The following FAM111B variants were observed in gnomAD, a reference collection of about 807,000 sequenced individuals.
FAM111B encodes FAM111 trypsin like peptidase B, also known as serine protease FAM111B.
Under a neutral mutation model 2.8 loss-of-function variants are expected in FAM111B, and 1 was observed. That is an observed-to-expected ratio of 0.36 (90% CI 0.13 to 1.70). The LOEUF is 1.70. Ranked by LOEUF, FAM111B falls within the 40% of genes most tolerant of loss-of-function variation. The pLI, the probability that FAM111B is intolerant of heterozygous loss-of-function variation, is 0.35. For synonymous variants in FAM111B, 297 were observed against 295.6 expected, an observed-to-expected ratio of 1.00 and a Z score of -0.05; for missense variants, 882 against 878.9, an observed-to-expected ratio of 1.00 and a Z score of -0.04.
At chr11:59,114,139 A>C (rs896224685) in intron 3 of FAM111B, among the ~76,000 whole-genome samples, 1 of 152,216 alleles carries the variant, frequency 6.6e-6, no homozygotes, top group Non-Finnish European at 1.5e-5. Context: ...GGCCCTGAAG[A>C]CACCCAAGGG....
intron 3 of FAM111B, among the ~76,000 whole-genome samples, chr11:59,112,359 T>C (rs1224503469): frequency 6.6e-6 from 1 of 152,228 alleles, no homozygotes; most frequent in African/African-American, 2.4e-5. Flanking sequence ...TATTGATGAG[T>C]AGCATTCCAC....
intron 3 of FAM111B, among the ~76,000 whole-genome samples, chr11:59,122,351 A>G (rs1859936497): frequency 6.6e-6 from 1 of 152,218 alleles, no homozygotes; most frequent in South Asian, 2.1e-4. Flanking sequence ...CATGAGAATG[A>G]GAAAGGAAGA....
intron 3 of FAM111B, among the ~76,000 whole-genome samples, chr11:59,119,511 C>G (rs1395708707): frequency 6.6e-6 from 1 of 152,136 alleles, no homozygotes; most frequent in Non-Finnish European, 1.5e-5. Context: ...TATGTTATTC[C>G]ATGGTGGCCA....
At position 59,126,134 on chromosome 11, in the gene FAM111B, C is replaced by T; in HGVS notation, c.2037C>T (p.Ala679=). The change falls in exon 4 of 4, where the codon GCC becomes GCT. Residue 679 remains alanine (A), a synonymous_variant. Coordinates refer to ENST00000343597, the MANE Select transcript of FAM111B (RefSeq NM_198947.4). ...ATCAACGAGGATTTAATGTGCATGC[C>T]CTTATTGAATTTGGTTATTCTATGG... The part of the protein sequence containing the change: ...LFYQRGFNVH[A]LIEFGYSMDS... 1 of 1,612,618 alleles carries T rather than the reference C, an allele frequency of 6.2e-7. No homozygotes were observed. The highest frequency in any genetic ancestry group is 8.5e-7 in the Non-Finnish European group (1 of 1,179,536).
intron 3 of FAM111B, among the ~76,000 whole-genome samples, chr11:59,118,594 G>A (rs1362859327): frequency 6.6e-6 from 1 of 152,114 alleles, no homozygotes; most frequent in African/African-American, 2.4e-5. Flanking sequence ...CCATCACAAT[G>A]GTGAAGAGAT....
chr11:59,123,486 G>A (rs190867945), intron 3 of FAM111B, among the ~76,000 whole-genome samples: 9 of 152,258 alleles, frequency 5.9e-5, no homozygotes, highest in Non-Finnish European at 1.2e-4. Flanking sequence ...ATCCTCAGTT[G>A]CGGTATTTCC....
rs1590886512 is a variant in FAM111B at position 59,109,484 on chromosome 11, A to T, written c.-86-56A>T. ...CAGAGATGAGGTCCCACACCACCTG[A>T]TCTCCAGTGTTTGAAAGTGGTTATT... On this transcript the variant is annotated intron_variant, in intron 2 of 3. Coordinates refer to ENST00000343597, the MANE Select transcript of FAM111B (RefSeq NM_198947.4). The T allele has an allele frequency of 1.4e-5, 8 of 555,022 alleles. No individual in the cohort carries two copies. The East Asian group carries it at 2.4e-4, about 16-fold the overall frequency. 34.4% of individuals were successfully genotyped at this position (555,022 alleles called of 1,614,324 possible).
Position 59,124,909 on chromosome 11 carries a change from A to G in FAM111B, c.812A>G (p.Lys271Arg), listed in dbSNP as rs755531775. The change falls in exon 4 of 4, where the codon AAA (lysine) becomes AGA (arginine). Residue 271 changes from lysine to arginine, a missense_variant. Coordinates refer to ENST00000343597, the MANE Select transcript of FAM111B (RefSeq NM_198947.4). ...GTCTTAGAAATGGACATTTCAAAAAAAAAAGCATTACAACAGAAAGATATC... is the reference window on the plus strand; with the variant it reads ...GTCTTAGAAATGGACATTTCAAAAAGAAAAGCATTACAACAGAAAGATATC... The part of the protein sequence containing the change: ...GKVLEMDISK[K>R]KALQQKDIHK... 6.3e-7 allele frequency: 1 copy of G among 1,596,988 alleles called. No individual in the cohort carries two copies. Among genetic ancestry groups the G allele is most frequent in the South Asian group, 1.2e-5 (1 of 86,400 alleles).
intron 3 of FAM111B, among the ~76,000 whole-genome samples, chr11:59,121,659 G>A (rs895826442): frequency 1.3e-5 from 2 of 152,060 alleles, no homozygotes; most frequent in African/African-American, 2.4e-5. Context: ...CCACTTCTAA[G>A]TCTATACTTG....
rs367590571 is a variant in FAM111B at position 59,121,774 on chromosome 11, CACAA to C, written c.82-2401_82-2398del. Among the ~76,000 whole-genome samples, 176 of 152,270 alleles carry C rather than the reference CACAA, an allele frequency of 1.2e-3. 1 individual carries two copies. The highest frequency in any genetic ancestry group is 3.9e-3 in the African/African-American group (161 of 41,544). ...AAACCCCAGAAATAACAGAAATATT[CACAA>C]ACAGTTTGTTTCTTCAGTGAATTCT... On this transcript the variant is annotated intron_variant, in intron 3 of 3. Transcript: ENST00000343597.
In FAM111B at chr11:59,125,159, C is replaced by T; in HGVS notation, c.1062C>T (p.Pro354=). The part of the protein sequence containing the change: ...RIRNYYFCSL[P]RKYRQINSQV... ...GAAATTATTACTTTTGTAGTTTGCC[C>T]CGAAAATATAGGCAAATAAACTCAC... Residue 354 remains proline (P), a synonymous_variant, in exon 4 of 4, where the codon CCC becomes CCT. Transcript: ENST00000343597. 6.2e-7 allele frequency: 1 copy of T among 1,613,890 alleles called. No homozygotes were observed. Among genetic ancestry groups the T allele is most frequent in the Non-Finnish European group, 8.5e-7 (1 of 1,179,840 alleles).
intron 1 of FAM111B, among the ~76,000 whole-genome samples, chr11:59,107,540 G>A (rs948843375): frequency 4.6e-5 from 7 of 152,164 alleles, no homozygotes; most frequent in African/African-American, 1.7e-4. Flanking sequence ...ACCCTGGTGG[G>A]TCCTTTCCCT....
chr11:59,116,279 G>C (rs1041516291), intron 3 of FAM111B, among the ~76,000 whole-genome samples: 2 of 152,122 alleles, frequency 1.3e-5, no homozygotes, highest in African/African-American at 4.8e-5. Context: ...AAATTCTGCT[G>C]ATTCAAAACT....
chr11:59,122,350 G>C (rs992969643), intron 3 of FAM111B, among the ~76,000 whole-genome samples: 1 of 152,190 alleles, frequency 6.6e-6, no homozygotes, highest in Non-Finnish European at 1.5e-5. Flanking sequence ...CCATGAGAAT[G>C]AGAAAGGAAG....
intron 3 of FAM111B, among the ~76,000 whole-genome samples, chr11:59,117,869 T>A (rs1565188346): frequency 6.6e-6 from 1 of 152,092 alleles, no homozygotes; most frequent in African/African-American, 2.4e-5. Flanking sequence ...AGTAAAAACA[T>A]ACAAACAAAG....
intron 3 of FAM111B, among the ~76,000 whole-genome samples, chr11:59,114,456 G>A (rs1043611381): frequency 6.6e-6 from 1 of 152,136 alleles, no homozygotes; most frequent in African/African-American, 2.4e-5. Flanking sequence ...AGGAGGGGAT[G>A]GAGTGGATGA....
At chr11:59,119,887 A>G (rs1210303131) in intron 3 of FAM111B, among the ~76,000 whole-genome samples, 1 of 152,206 alleles carries the variant, frequency 6.6e-6, no homozygotes, top group East Asian at 1.9e-4. Context: ...GGAACAAAGC[A>G]TATTCATGAA....
At chr11:59,116,306 C>G (rs1327914127) in intron 3 of FAM111B, among the ~76,000 whole-genome samples, 1 of 152,204 alleles carries the variant, frequency 6.6e-6, no homozygotes, top group Non-Finnish European at 1.5e-5. Context: ...TTCTTACCAA[C>G]AAAGAGTAAC....
chr11:59,109,338 C>T (rs1424296796), intron 2 of FAM111B, among the ~76,000 whole-genome samples: 2 of 152,166 alleles, frequency 1.3e-5, no homozygotes, highest in African/African-American at 2.4e-5. Context: ...TGCTTGTCTT[C>T]TCAAATCAGG....
Sources: allele counts gnomAD v4.1 joint callset (sites outside exome capture counted in the v4.1 genomes callset), GRCh38; gene constraint gnomAD v4.1.1; transcripts MANE v1.5; gene names NCBI Gene and HGNC (gene_info 2026-07-23, HGNC 2026-07-21).